The following FUBP3 variants were observed in gnomAD, a reference collection of about 807,000 sequenced individuals.
FUBP3 encodes the protein far upstream element binding protein 3, also known as far upstream element-binding protein 3.
In FUBP3, 28 loss-of-function variants were observed where a neutral mutation model predicts 85.6. The ratio of observed to expected loss-of-function variants is 0.33; its 90% CI spans 0.24 to 0.45. The LOEUF is 0.45. FUBP3 is among the 20% of genes least tolerant of loss of function. The pLI is 1.00. For missense variants in FUBP3, 583 were observed against 755.1 expected (o/e 0.77, Z 2.67); for synonymous variants, 271 against 271.4 (o/e 1.00, Z 0.01).
At chr9:130,600,976 CAAAA>C (rs905305688) in intron 2 of FUBP3, among the ~76,000 whole-genome samples, 2 of 152,016 alleles carry the variant, frequency 1.3e-5, no homozygotes, top group Non-Finnish European at 2.9e-5. Flanking sequence ...TCAGAACAAA[CAAAA>C]ATAAATTTAA....
At chr9:130,606,858 A>T (rs1212679326) in intron 2 of FUBP3, among the ~76,000 whole-genome samples, 2 of 151,836 alleles carry the variant, frequency 1.3e-5, no homozygotes, top group African/African-American at 4.8e-5. Flanking sequence ...GCAAAGTTGC[A>T]TGTATTTCCC....
At chr9:130,613,095 G>A (rs751496376) in intron 5 of FUBP3, 68 bp downstream of exon 5, 13 of 988,824 alleles carry the variant, frequency 1.3e-5, no homozygotes, top group Admixed American at 3.6e-5. Context: ...TTCCAGATTC[G>A]GTACTTTGCT....
intron 16 of FUBP3, 36 bp downstream of exon 16, chr9:130,632,314 G>A (rs1253509673): frequency 1.6e-5 from 25 of 1,520,804 alleles, no homozygotes; most frequent in Non-Finnish European, 2.3e-5. Context: ...ATGCCCTCCA[G>A]AAAGGTTGCG....
At chr9:130,589,538 TTC>T (rs1486677685) in intron 1 of FUBP3, among the ~76,000 whole-genome samples, 1 of 150,800 alleles carries the variant, frequency 6.6e-6, no homozygotes, top group African/African-American at 2.4e-5. Flanking sequence ...GAGACGGGGT[TTC>T]ACCATGTTGG....
In FUBP3 at chr9:130,630,769, T is replaced by A. The variant is rs1830179240; in HGVS notation, c.1259T>A (p.Leu420His). 6.6e-7 allele frequency: 1 copy of A among 1,515,528 alleles called. No individual in the cohort carries two copies. The allele number at this position is 1,515,528 out of a possible 1,614,324, so 93.9% of individuals were successfully genotyped here. ...CAGCAGATCGAGGTGGCCAGGCAGC[T>A]CATAGATGAGAAAGTTGGCGTACGT... ...VPQQIEVARQ[L>H]IDEKVGGTNL... Residue 420 changes from leucine (L) to histidine (H), a missense_variant, in exon 13 of 19, where the codon CTC (leucine) becomes CAC (histidine). Leu to His is a moderately conservative substitution (Grantham distance 99). Around this residue, in one of 3 missense-constraint regions of FUBP3, gnomAD observed 404 missense variants for 516.8 expected, o/e 0.78. Transcript: ENST00000319725.
At chr9:130,582,214 G>A (rs1259822242) in intron 1 of FUBP3, 1 of 152,188 alleles carries the variant, frequency 6.6e-6, no homozygotes, top group Non-Finnish European at 1.5e-5. Context: ...ACTTTGGGAG[G>A]CTGAGGTAGG....
intron 11 of FUBP3, among the ~76,000 whole-genome samples, chr9:130,624,524 A>C (rs572994542): frequency 1.5e-4 from 23 of 152,318 alleles, no homozygotes; most frequent in Non-Finnish European, 2.6e-4. Context: ...AAGCTCGTTC[A>C]GCCTGTGGGC....
At chr9:130,587,833 C>T (rs544098998) in intron 1 of FUBP3, among the ~76,000 whole-genome samples, 1 of 152,060 alleles carries the variant, frequency 6.6e-6, no homozygotes, top group African/African-American at 2.4e-5. Flanking sequence ...GACAGTGTAA[C>T]CAACATAACA....
chr9:130,603,708 C>G (rs188600768), intron 2 of FUBP3, among the ~76,000 whole-genome samples: 1 of 152,272 alleles, frequency 6.6e-6, no homozygotes, highest in African/African-American at 2.4e-5. Context: ...AAAAATATAA[C>G]TCGAGCTCAT....
chr9:130,636,993 C>G (rs776133921), intron 18 of FUBP3, 21 bp from the exon 19 acceptor site: 1 of 1,611,014 alleles, frequency 6.2e-7, no homozygotes, highest in Non-Finnish European at 8.5e-7. Context: ...CAGACTAATT[C>G]CTCTTCCCTT....
At chr9:130,591,537 A>C (rs753992356) in intron 1 of FUBP3, among the ~76,000 whole-genome samples, 3 of 152,236 alleles carry the variant, frequency 2.0e-5, no homozygotes, top group African/African-American at 4.8e-5. Flanking sequence ...AGAATGAAGG[A>C]GTATATTGCT....
chr9:130,595,709 A>G (rs1830836980), intron 2 of FUBP3, 121 bp downstream of exon 2: 3 of 713,420 alleles, frequency 4.2e-6, no homozygotes, highest in Non-Finnish European at 7.8e-6. Flanking sequence ...AGAAAGGTTG[A>G]AGGGAAGTAT....
At chr9:130,600,729 T>TC (rs1389827180) in intron 2 of FUBP3, among the ~76,000 whole-genome samples, 3 of 151,990 alleles carry the variant, frequency 2.0e-5, no homozygotes, top group African/African-American at 7.3e-5. Flanking sequence ...TCCCAGCACT[T>TC]TGGGAGGCCG....
intron 2 of FUBP3, among the ~76,000 whole-genome samples, chr9:130,607,783 G>C (rs755581351): frequency 2.1e-4 from 32 of 152,204 alleles, no homozygotes; most frequent in Admixed American, 2.0e-4. Context: ...TCCAGCATTT[G>C]CATGGAGGAG....
chr9:130,592,955 G>GTTTT (rs1830702241), intron 1 of FUBP3, among the ~76,000 whole-genome samples: 1 of 152,064 alleles, frequency 6.6e-6, no homozygotes, highest in Non-Finnish European at 1.5e-5. Context: ...ACCTGAAAGG[G>GTTTT]TCCAGTGTGA....
At position 130,635,946 on chromosome 9, in the gene FUBP3, T is replaced by TGCCCAGTGCACCTCCGCTCCC. The variant is rs2119133595; in HGVS notation, c.1583-51_1583-31dup. ...TGCCCAGGGCCTTTGGGAAGGGTCC[T>TGCCCAGTGCACCTCCGCTCCC]GCCCAGTGCACCTCCGCTCCCGATA... On this transcript the variant is annotated intron_variant, in intron 17 of 18. Coordinates refer to ENST00000319725, the MANE Select transcript of FUBP3 (RefSeq NM_003934.2). This position sits in a 1 kb window ranked among gnomAD's most constrained non-coding sequence, Gnocchi z 4.3. The TGCCCAGTGCACCTCCGCTCCC allele has an allele frequency of 6.3e-7, 1 of 1,588,330 alleles. No homozygotes were observed. Among genetic ancestry groups the TGCCCAGTGCACCTCCGCTCCC allele is most frequent in the South Asian group, 1.1e-5 (1 of 87,338 alleles).
At chr9:130,606,952 C>CT (rs553884611) in intron 2 of FUBP3, among the ~76,000 whole-genome samples, 2 of 151,806 alleles carry the variant, frequency 1.3e-5, no homozygotes, top group Non-Finnish European at 1.5e-5. Flanking sequence ...GTCTGATCAC[C>CT]TTTTTTTGTG....
At chr9:130,617,928 G>T (rs779681763) in intron 8 of FUBP3, 33 bp downstream of exon 8, 1 of 1,000,136 alleles carries the variant, frequency 1.0e-6, no homozygotes, top group African/African-American at 1.6e-5. Context: ...GTGAGTCCTG[G>T]CTGTTGGGGC....
At chr9:130,633,135 G>A (rs1830282785) in intron 16 of FUBP3, among the ~76,000 whole-genome samples, 3 of 152,212 alleles carry the variant, frequency 2.0e-5, no homozygotes, top group Admixed American at 2.0e-4. Context: ...GGCACGCCCT[G>A]CCTTCTCTGG....
Sources: allele counts gnomAD v4.1 joint callset (sites outside exome capture counted in the v4.1 genomes callset), GRCh38; gene constraint gnomAD v4.1.1; regional missense constraint gnomAD v4.1.1; non-coding constraint Gnocchi (gnomAD v3.1); transcripts MANE v1.5; gene names NCBI Gene and HGNC (gene_info 2026-07-23, HGNC 2026-07-21).